SAMD12: variants seen among roughly 807,000 people sequenced by gnomAD.
SAMD12 encodes the protein sterile alpha motif domain-containing protein 12.
SAMD12 carries 9 observed loss-of-function variants against 15.0 expected under a neutral mutation model. That is an observed-to-expected ratio of 0.60 (90% CI 0.36 to 1.05). SAMD12 has a LOEUF of 1.05. Ranked by LOEUF, SAMD12 falls within the 50% of genes least tolerant of loss-of-function variation. SAMD12 has a pLI of 0.01. For missense variants in SAMD12, 230 were observed against 234.2 expected (o/e 0.98, Z 0.12); for synonymous variants, 86 against 90.1 (o/e 0.96, Z 0.25).
chr8:118,341,477 A>G (rs1269308109), intron 4 of SAMD12, among the ~76,000 whole-genome samples: 1 of 152,234 alleles, frequency 6.6e-6, no homozygotes, highest in East Asian at 1.9e-4. Flanking sequence ...GCTGTGGCCC[A>G]GTCTGAATCT....
chr8:118,188,123 G>T (rs1242085277), downstream of SAMD12, among the ~76,000 whole-genome samples: 1 of 151,732 alleles, frequency 6.6e-6, no homozygotes, highest in Non-Finnish European at 1.5e-5. Flanking sequence ...GATAGAGGAA[G>T]AGAAAGGCAC....
intron 2 of SAMD12, among the ~76,000 whole-genome samples, chr8:118,537,213 T>G (rs1825869046): frequency 6.6e-6 from 1 of 152,202 alleles, no homozygotes; most frequent in Admixed American, 6.5e-5. Context: ...ATCGTTTCTT[T>G]ATCCTTGACC....
At chr8:118,210,730 T>G (rs557984705) in intron 4 of SAMD12, among the ~76,000 whole-genome samples, 4 of 152,306 alleles carry the variant, frequency 2.6e-5, no homozygotes, top group African/African-American at 7.2e-5. Context: ...CTACCCTTGT[T>G]TACATGGTCT....
intron 4 of SAMD12, among the ~76,000 whole-genome samples, chr8:118,317,859 A>T (rs1815998391): frequency 6.6e-6 from 1 of 152,176 alleles, no homozygotes; most frequent in South Asian, 2.1e-4. Context: ...TAAGAAGAAA[A>T]CAAATAATCT....
chr8:118,562,076 G>T (rs1355038812), intron 2 of SAMD12, among the ~76,000 whole-genome samples: 1 of 152,196 alleles, frequency 6.6e-6, no homozygotes, highest in Non-Finnish European at 1.5e-5. Flanking sequence ...TGACGAGATG[G>T]ATGAGAAATG....
At chr8:118,481,571 T>C (rs1041973859) in intron 2 of SAMD12, among the ~76,000 whole-genome samples, 2 of 152,162 alleles carry the variant, frequency 1.3e-5, no homozygotes, top group Non-Finnish European at 1.5e-5. Context: ...ACAGGCTTTG[T>C]AGAGGAGGGC....
the SAMD12 span, among the ~76,000 whole-genome samples, chr8:118,139,293 C>T: frequency 3.3e-5 from 5 of 151,150 alleles, no homozygotes; most frequent in Admixed American, 6.6e-5. Flanking sequence ...AAGAAGGAAA[C>T]ATAACTGGAT....
rs543088390 is a variant in SAMD12, at chr8:118,529,084, A to G, written c.192+51631T>C. ...CTCCATGAAGTTGTGGCCACAGACA[A>G]CCACTACACAGTTCAGCAACTAGGG... On this transcript the variant is annotated intron_variant, in intron 2 of 3. Coordinates refer to ENST00000314727, the MANE Select transcript of SAMD12 (RefSeq NM_207506.3). Among the ~76,000 whole-genome samples the G allele has an allele frequency of 9.1e-4, 138 of 152,196 alleles. 1 individual carries two copies. Among genetic ancestry groups the G allele is most frequent in the Non-Finnish European group, 1.8e-3 (124 of 68,032 alleles).
chr8:118,505,459 G>C (rs777235389), intron 2 of SAMD12, among the ~76,000 whole-genome samples: 4 of 151,686 alleles, frequency 2.6e-5, no homozygotes, highest in African/African-American at 9.7e-5. Flanking sequence ...TGTTAGGTTG[G>C]CTTCTATGAA....
intron 3 of SAMD12, among the ~76,000 whole-genome samples, chr8:118,383,668 C>A (rs1256349714): frequency 6.6e-6 from 1 of 152,104 alleles, no homozygotes; most frequent in East Asian, 1.9e-4. Flanking sequence ...TTGCCTGATA[C>A]CATCAAACTT....
chr8:118,410,773 C>T (rs1448492129), intron 3 of SAMD12, among the ~76,000 whole-genome samples: 1 of 152,130 alleles, frequency 6.6e-6, no homozygotes, highest in African/African-American at 2.4e-5. Flanking sequence ...ATCTGAAGTT[C>T]CTTACTGATA....
In SAMD12 at chr8:118,549,373, G is replaced by A. The variant is rs939799089; in HGVS notation, c.192+31342C>T. Among the ~76,000 whole-genome samples, 7 of 152,174 alleles carry A rather than the reference G, an allele frequency of 4.6e-5. No homozygotes were observed. In the South Asian group the frequency reaches 6.2e-4, roughly 14 times the overall value. ...TCAGACAGCAGCATTCGTGGTTCAC[G>A]AAAAACCACTGTTCTGCAGACACCG... On this transcript the variant is annotated intron_variant, in intron 2 of 3. Transcript: ENST00000314727.
At chr8:118,204,476 C>T (rs999502829) in intron 4 of SAMD12, among the ~76,000 whole-genome samples, 4 of 152,050 alleles carry the variant, frequency 2.6e-5, no homozygotes, top group East Asian at 3.9e-4. Context: ...CCAAAGAGGC[C>T]GGACATGGTG....
chr8:118,181,974 T>C, the SAMD12 span, among the ~76,000 whole-genome samples: 1 of 152,214 alleles, frequency 6.6e-6, no homozygotes, highest in Non-Finnish European at 1.5e-5. Context: ...ACCTTAAGAT[T>C]TGATGAGCTC....
At chr8:118,293,070 C>A (rs922864429) in intron 4 of SAMD12, among the ~76,000 whole-genome samples, 88 of 145,572 alleles carry the variant, frequency 6.0e-4, no homozygotes, top group Admixed American at 2.0e-3. Context: ...AACAAACAAA[C>A]AAAAAAAATC....
intron 4 of SAMD12, among the ~76,000 whole-genome samples, chr8:118,251,827 G>C (rs1030180264): frequency 7.9e-5 from 12 of 151,892 alleles, no homozygotes; most frequent in Admixed American, 6.6e-4. Context: ...AGCCAAGAGC[G>C]GGCATCATCT....
chr8:118,462,970 G>A (rs567968544), intron 2 of SAMD12, among the ~76,000 whole-genome samples: 7 of 151,864 alleles, frequency 4.6e-5, no homozygotes, highest in South Asian at 2.1e-4. Flanking sequence ...GCATGGTGGC[G>A]CGTGCCTGTA....
intron 4 of SAMD12, among the ~76,000 whole-genome samples, chr8:118,220,164 G>C (rs1417443604): frequency 6.6e-6 from 1 of 152,204 alleles, no homozygotes; most frequent in East Asian, 1.9e-4. Context: ...AGGACTGAGA[G>C]AATCAGTATC....
rs189265700 is a variant in SAMD12 at position 118,463,704 on chromosome 8, G to A, written c.193-23743C>T. Among the ~76,000 whole-genome samples, 9 of 152,254 alleles carry A rather than the reference G, an allele frequency of 5.9e-5. No homozygotes were observed. In the East Asian group the frequency reaches 1.7e-3, roughly 29 times the overall value. ...GGTGGCAAAATCTGACTCCTGATGA[G>A]GGTCCCTTAAATTCTCTCTGATTAA... On this transcript the variant is annotated intron_variant, in intron 2 of 3. Coordinates refer to ENST00000314727, the MANE Select transcript of SAMD12 (RefSeq NM_207506.3).
Sources: allele counts gnomAD v4.1 joint callset (sites outside exome capture counted in the v4.1 genomes callset), GRCh38; gene constraint gnomAD v4.1.1; transcripts MANE v1.5; gene names NCBI Gene and HGNC (gene_info 2026-07-23, HGNC 2026-07-21).